EFR3A: variants seen among roughly 807,000 people sequenced by gnomAD.
The protein encoded by EFR3A is protein EFR3 homolog A.
In EFR3A, 76 loss-of-function variants were observed where a neutral mutation model predicts 104.4. The observed-to-expected ratio is 0.73, with a 90% CI of 0.60 to 0.88. EFR3A has a LOEUF of 0.88. Among genes scored for constraint, EFR3A ranks in the 40% least tolerant of loss-of-function variants. The pLI is 0.00. For missense variants in EFR3A, 985 were observed against 1,012.5 expected (o/e 0.97, Z 0.37); for synonymous variants, 330 against 330.0 (o/e 1.00, Z 0.00).
chr8:131,934,805 A>G lies in EFR3A; in HGVS notation c.11-5694A>G, dbSNP rs183684187. Among the ~76,000 whole-genome samples the G allele has an allele frequency of 1.2e-4, 19 of 152,230 alleles. No individual in the cohort carries two copies. The East Asian group carries it at 3.5e-3, about 28-fold the overall frequency. On this transcript the variant is annotated intron_variant, in intron 1 of 22. Transcript: ENST00000254624. ...ACTGCTGTGTATTACATATATGTGT[A>G]TATACACACACATACACACATATTA...
At chr8:131,993,977 G>A (rs540710766) in intron 18 of EFR3A, among the ~76,000 whole-genome samples, 126 of 152,114 alleles carry the variant, frequency 8.3e-4, no homozygotes, top group Non-Finnish European at 1.4e-3. Context: ...AACAACTAAT[G>A]GATACTAGAC....
chr8:131,928,799 T>C lies in EFR3A; in HGVS notation c.11-11700T>C, dbSNP rs187330071. Among the ~76,000 whole-genome samples the C allele has an allele frequency of 7.9e-4, 118 of 150,288 alleles. 2 individuals carry two copies. Among genetic ancestry groups the C allele is most frequent in the African/African-American group, 2.8e-3 (116 of 41,486 alleles). ...TCTTTTTCTGATGTTTCCTCATTACTGGAGCGTTTTTTTAAAGTCCATGTA... is the reference window on the plus strand; with the variant it reads ...TCTTTTTCTGATGTTTCCTCATTACCGGAGCGTTTTTTTAAAGTCCATGTA... On this transcript the variant is annotated intron_variant, in intron 1 of 22. Coordinates refer to ENST00000254624, the MANE Select transcript of EFR3A (RefSeq NM_015137.6).
intron 1 of EFR3A, among the ~76,000 whole-genome samples, chr8:131,914,929 C>T (rs537947455): frequency 7.8e-4 from 119 of 152,244 alleles, no homozygotes; most frequent in Non-Finnish European, 1.5e-3. Flanking sequence ...GTTCCTGTGT[C>T]AGTTTGCTAA....
chr8:132,001,935 G>A (rs1821801923), intron 20 of EFR3A, 128 bp downstream of exon 20: 2 of 746,012 alleles, frequency 2.7e-6, no homozygotes, highest in South Asian at 3.5e-5. Context: ...GGCTTCTATA[G>A]ACATGTATCA....
rs961829859 is a variant in EFR3A, at chr8:131,924,197, T to C, written c.11-16302T>C. On this transcript the variant is annotated intron_variant, in intron 1 of 22. Coordinates refer to ENST00000254624, the MANE Select transcript of EFR3A (RefSeq NM_015137.6). ...TTAGCATTTTATGCCAAAGGAATTA[T>C]TTCTGCATACCCCATTCAGCATTTT... 11 of 374,612 alleles carry C rather than the reference T, an allele frequency of 2.9e-5. No homozygotes were observed. In the East Asian group the frequency reaches 9.1e-4, roughly 31 times the overall value. 23.2% of individuals were successfully genotyped at this position (374,612 alleles called of 1,614,324 possible). A position where few individuals can be genotyped will look rare whatever the true frequency, so the allele number is the denominator to read the frequency against.
chr8:131,982,054 G>A (rs1232889834), intron 14 of EFR3A, among the ~76,000 whole-genome samples: 1 of 151,984 alleles, frequency 6.6e-6, no homozygotes, highest in Non-Finnish European at 1.5e-5. Context: ...ATTATTTTAA[G>A]GTGAACAACA....
chr8:131,986,613 G>A (rs1244924129), intron 17 of EFR3A, among the ~76,000 whole-genome samples: 2 of 151,720 alleles, frequency 1.3e-5, no homozygotes, highest in African/African-American at 4.8e-5. Context: ...GTGAAACCCC[G>A]TCTCTACTAA....
chr8:131,973,548 T>C (rs1820179983), intron 10 of EFR3A, among the ~76,000 whole-genome samples: 1 of 152,188 alleles, frequency 6.6e-6, no homozygotes, highest in African/African-American at 2.4e-5. Flanking sequence ...AAATGCAGTG[T>C]GGCACAGTAA....
At chr8:132,008,319 C>T (rs1307901588) in intron 22 of EFR3A, among the ~76,000 whole-genome samples, 1 of 151,842 alleles carries the variant, frequency 6.6e-6, no homozygotes, top group Non-Finnish European at 1.5e-5. Context: ...CATTCGTTAA[C>T]AAGGAAATGC....
intron 1 of EFR3A, among the ~76,000 whole-genome samples, chr8:131,921,471 A>G (rs956008598): frequency 3.9e-5 from 6 of 152,220 alleles, no homozygotes; most frequent in Admixed American, 1.3e-4. Flanking sequence ...TGACTTTAAC[A>G]TATGAATTTT....
chr8:131,982,837 A>G (rs1820682303), intron 14 of EFR3A, among the ~76,000 whole-genome samples: 1 of 152,120 alleles, frequency 6.6e-6, no homozygotes, highest in African/African-American at 2.4e-5. Context: ...TGTGTTTGAG[A>G]GAGAGAAAGA....
At chr8:131,977,554 A>C (rs1244058819) in intron 12 of EFR3A, among the ~76,000 whole-genome samples, 1 of 152,230 alleles carries the variant, frequency 6.6e-6, no homozygotes, top group Non-Finnish European at 1.5e-5. Context: ...GGCTATAAGT[A>C]GCTGAAAAGG....
rs1236627585 is a variant in EFR3A, at chr8:131,970,566, T to C, written c.1082T>C (p.Val361Ala). 1.2e-6 allele frequency: 2 copies of C among 1,613,732 alleles called. No individual in the cohort carries two copies. Among genetic ancestry groups the C allele is most frequent in the Non-Finnish European group, 1.7e-6 (2 of 1,179,784 alleles). ...FEANDLQGGSVGSVNLNTSSK... is the reference protein window; with the variant it reads ...FEANDLQGGSAGSVNLNTSSK... Reference sequence around the variant, plus strand: ...GCAAATGATTTACAGGGGGGATCTGTAGGCAGTGTCAACTTAAATACAAGT... The same window carrying C: ...GCAAATGATTTACAGGGGGGATCTGCAGGCAGTGTCAACTTAAATACAAGT... The change falls in exon 10 of 23, where the codon GTA becomes GCA. Residue 361 changes from valine to alanine, a missense_variant. Transcript: ENST00000254624.
intron 5 of EFR3A, 110 bp from the exon 6 acceptor site, chr8:131,953,708 T>A: frequency 1.0e-6 from 1 of 1,003,966 alleles, no homozygotes; most frequent in Non-Finnish European, 1.4e-6. Context: ...AGATATTTTA[T>A]TGATAAGATA....
chr8:131,915,415 TC>T (rs1816699815), intron 1 of EFR3A, among the ~76,000 whole-genome samples: 1 of 152,226 alleles, frequency 6.6e-6, no homozygotes, highest in Non-Finnish European at 1.5e-5. Flanking sequence ...TTTCAATTTT[TC>T]TTGTTTTCCT....
intron 1 of EFR3A, among the ~76,000 whole-genome samples, chr8:131,918,532 AT>A (rs1816849559): frequency 6.6e-6 from 1 of 152,212 alleles, no homozygotes; most frequent in African/African-American, 2.4e-5. Context: ...ATATGTTGCT[AT>A]CTTCAAATGT....
At chr8:131,945,360 G>A (rs958435282) in intron 3 of EFR3A, among the ~76,000 whole-genome samples, 52 of 151,988 alleles carry the variant, frequency 3.4e-4, no homozygotes, top group African/African-American at 1.2e-3. Context: ...AACTGTGCTA[G>A]CTATACTCTT....
intron 10 of EFR3A, among the ~76,000 whole-genome samples, chr8:131,974,231 G>A (rs1353105328): frequency 2.0e-5 from 3 of 152,174 alleles, no homozygotes; most frequent in Non-Finnish European, 4.4e-5. Context: ...AGCAAAGCTT[G>A]GGAACCACTG....
chr8:132,001,124 A>G (rs1188986607), intron 19 of EFR3A: 2 of 152,230 alleles, frequency 1.3e-5, no homozygotes, highest in African/African-American at 4.8e-5. Context: ...AAAGCGGTTG[A>G]TTTCATACCT....
Sources: gnomAD v4.1 joint callset for allele counts (sites outside exome capture counted in the v4.1 genomes callset) on GRCh38, gnomAD v4.1.1 for gene constraint, MANE v1.5 for transcripts, NCBI Gene and HGNC (gene_info 2026-07-23, HGNC 2026-07-21) for gene names.